Variants in WDR7 observed in about 807,000 individuals in gnomAD.
The protein encoded by WDR7 is WD repeat domain 7, also known as WD repeat-containing protein 7.
WDR7 carries 46 observed loss-of-function variants against 169.4 expected under a neutral mutation model. That is an observed-to-expected ratio of 0.27 (90% CI 0.21 to 0.35). WDR7 has a LOEUF of 0.35. Among genes scored for constraint, WDR7 ranks in the 10% least tolerant of loss-of-function variants. WDR7 has a pLI of 1.00. For missense variants in WDR7, 1,534 were observed against 1,859.3 expected (o/e 0.83, Z 3.22); for synonymous variants, 612 against 666.8 (o/e 0.92, Z 1.27).
intron 14 of WDR7, among the ~76,000 whole-genome samples, chr18:56,740,589 A>G (rs546542801): frequency 1.3e-5 from 2 of 152,312 alleles, no homozygotes; most frequent in African/African-American, 4.8e-5. Context: ...ATCAGGGACT[A>G]ACCTGAGTCA....
At chr18:56,882,836 C>G (rs1429851005) in intron 21 of WDR7, among the ~76,000 whole-genome samples, 1 of 152,216 alleles carries the variant, frequency 6.6e-6, no homozygotes, top group Admixed American at 6.5e-5. Flanking sequence ...TCAACACCAT[C>G]CTTTTGTATT....
intron 19 of WDR7, 28 bp downstream of exon 19, chr18:56,781,684 G>C (rs772435721): frequency 6.5e-7 from 1 of 1,538,076 alleles, no homozygotes. Context: ...TCTCTACAAA[G>C]CTTTGCAGGA....
chr18:56,928,287 G>A (rs1380731870), intron 22 of WDR7, among the ~76,000 whole-genome samples: 5 of 151,962 alleles, frequency 3.3e-5, no homozygotes. Context: ...AACATAGCGA[G>A]ACCCCGTCTC....
At chr18:56,866,454 A>G (rs916915630) in intron 20 of WDR7, among the ~76,000 whole-genome samples, 2 of 152,022 alleles carry the variant, frequency 1.3e-5, no homozygotes, top group African/African-American at 4.8e-5. Context: ...GGTGGACTTC[A>G]GTTTTTTTGT....
At chr18:56,932,391 G>C (rs2046897942) in intron 22 of WDR7, among the ~76,000 whole-genome samples, 1 of 152,082 alleles carries the variant, frequency 6.6e-6, no homozygotes, top group African/African-American at 2.4e-5. Flanking sequence ...TTCTCTTCTA[G>C]ACCCACCACC....
chr18:56,962,650 G>T, intron 26 of WDR7, 121 bp downstream of exon 26: 1 of 854,986 alleles, frequency 1.2e-6, no homozygotes, highest in Non-Finnish European at 1.9e-6. Flanking sequence ...ATGCTAAAGG[G>T]ATCAATAGTT....
At chr18:56,966,644 C>T (rs182184498) in intron 26 of WDR7, among the ~76,000 whole-genome samples, 1 of 152,210 alleles carries the variant, frequency 6.6e-6, no homozygotes, top group East Asian at 1.9e-4. Flanking sequence ...TCAAAAGTTA[C>T]ATGTTGACTT....
chr18:56,970,161 C>T (rs1214356389), intron 26 of WDR7, among the ~76,000 whole-genome samples: 1 of 151,864 alleles, frequency 6.6e-6, no homozygotes, highest in East Asian at 1.9e-4. Context: ...TATTCTGTTC[C>T]CTCCTGCTGC....
intron 21 of WDR7, among the ~76,000 whole-genome samples, chr18:56,917,088 T>C (rs1281333995): frequency 1.3e-5 from 2 of 152,114 alleles, no homozygotes; most frequent in Non-Finnish European, 2.9e-5. Flanking sequence ...TCCCAGCTAC[T>C]TGGGAATCTG....
chr18:56,716,024 C>CGTA (rs2026183904), intron 12 of WDR7, among the ~76,000 whole-genome samples: 1 of 132,206 alleles, frequency 7.6e-6, no homozygotes, highest in African/African-American at 2.8e-5. Flanking sequence ...AACGTACATA[C>CGTA]GTAGCAGTGT....
At chr18:56,919,556 T>G (rs2046679990) in intron 21 of WDR7, among the ~76,000 whole-genome samples, 1 of 152,210 alleles carries the variant, frequency 6.6e-6, no homozygotes, top group South Asian at 2.1e-4. Flanking sequence ...AAAGTGGACT[T>G]GGGATTGGTT....
intron 19 of WDR7, among the ~76,000 whole-genome samples, chr18:56,810,865 G>A (rs2145196123): frequency 6.6e-6 from 1 of 152,150 alleles, no homozygotes; most frequent in Non-Finnish European, 1.5e-5. Flanking sequence ...AGTTGTACAA[G>A]CATCTCCACA....
intron 26 of WDR7, among the ~76,000 whole-genome samples, chr18:57,008,814 G>A (rs1377380557): frequency 6.6e-6 from 1 of 152,166 alleles, no homozygotes; most frequent in South Asian, 2.1e-4. Context: ...TTCACTGGCA[G>A]GGGTCCTATC....
intron 13 of WDR7, among the ~76,000 whole-genome samples, chr18:56,727,068 G>T (rs1018778429): frequency 6.6e-6 from 1 of 152,152 alleles, no homozygotes; most frequent in Admixed American, 6.5e-5. Flanking sequence ...TCAACTTAAG[G>T]AATCTGTTAG....
At chr18:56,820,996 A>G (rs2045085385) in intron 20 of WDR7, among the ~76,000 whole-genome samples, 1 of 152,222 alleles carries the variant, frequency 6.6e-6, no homozygotes. Flanking sequence ...GAAAAGTAAT[A>G]TTATATAGTA....
intron 19 of WDR7, among the ~76,000 whole-genome samples, chr18:56,803,071 A>G (rs200569360): frequency 5.3e-5 from 8 of 152,164 alleles, no homozygotes; most frequent in Middle Eastern, 3.2e-3. Flanking sequence ...AGTTTTGCCT[A>G]TATTCTTACA....
chr18:56,787,813 A>C (rs960483628), intron 19 of WDR7, among the ~76,000 whole-genome samples: 3 of 152,242 alleles, frequency 2.0e-5, no homozygotes, highest in Non-Finnish European at 4.4e-5. Context: ...GGTAAGATGA[A>C]ACTGTGTTAC....
chr18:56,756,475 G>A (rs896102290), intron 14 of WDR7, 108 bp from the exon 15 acceptor site: 42 of 1,013,206 alleles, frequency 4.1e-5, no homozygotes, highest in Non-Finnish European at 5.4e-5. Flanking sequence ...TTCCTAGAAG[G>A]ACAGCTTAAT....
chr18:56,733,148 G>A (rs1186985842), intron 14 of WDR7, among the ~76,000 whole-genome samples: 1 of 152,126 alleles, frequency 6.6e-6, no homozygotes, highest in African/African-American at 2.4e-5. Flanking sequence ...CTTATGTATT[G>A]TAAAATATAT....
Sources: allele counts gnomAD v4.1 joint callset (sites outside exome capture counted in the v4.1 genomes callset), GRCh38; gene constraint gnomAD v4.1.1; transcripts MANE v1.5; gene names NCBI Gene and HGNC (gene_info 2026-07-23, HGNC 2026-07-21).